KCNIP4: variants seen among roughly 807,000 people sequenced by gnomAD.
KCNIP4 encodes Kv channel-interacting protein 4.
A neutral mutation model predicts 34.0 loss-of-function variants in KCNIP4; 12 were observed. The ratio of observed to expected loss-of-function variants is 0.35; its 90% CI spans 0.23 to 0.57. The LOEUF is 0.57. Among genes scored for constraint, KCNIP4 ranks in the 20% least tolerant of loss-of-function variants. The probability of loss-of-function intolerance (pLI) is 0.83; values close to 1 mark genes in which losing one functional copy is unlikely to be tolerated. For synonymous variants in KCNIP4, 124 were observed against 102.2 expected (o/e 1.21, Z -1.29); for missense variants, 238 against 311.7 (o/e 0.76, Z 1.78).
chr4:21,177,355 A>G (rs560896771), intron 1 of KCNIP4, among the ~76,000 whole-genome samples: 2 of 152,186 alleles, frequency 1.3e-5, no homozygotes, highest in Non-Finnish European at 2.9e-5. Context: ...TATCTTACCA[A>G]ACCATATATT....
Position 21,781,394 on chromosome 4 carries a change from T to C in KCNIP4, c.61+167177A>G, listed in dbSNP as rs566209095. Among the ~76,000 whole-genome samples the C allele has an allele frequency of 3.3e-5, 5 of 152,270 alleles. No homozygotes were observed. The South Asian group carries it at 1.0e-3, about 32-fold the overall frequency. On this transcript the variant is annotated intron_variant, in intron 1 of 8. Coordinates refer to ENST00000382152, the MANE Select transcript of KCNIP4 (RefSeq NM_025221.6). ...ATTACCCGGTCTCAGGTAGTATCTTTAGAGCAGTATGAGATCAGACTAATA... is the reference window on the plus strand; with the variant it reads ...ATTACCCGGTCTCAGGTAGTATCTTCAGAGCAGTATGAGATCAGACTAATA...
intron 1 of KCNIP4, among the ~76,000 whole-genome samples, chr4:21,876,577 T>A (rs915833946): frequency 2.0e-5 from 3 of 152,120 alleles, no homozygotes; most frequent in Admixed American, 6.6e-5. Flanking sequence ...TGGAATTAAT[T>A]TTAGAGCCAA....
chr4:21,115,576 C>T (rs1455616127), intron 1 of KCNIP4, among the ~76,000 whole-genome samples: 2 of 152,086 alleles, frequency 1.3e-5, no homozygotes, highest in African/African-American at 2.4e-5. Context: ...AAATGTTAGA[C>T]AATTCAGCTT....
Position 21,059,776 on chromosome 4 carries a change from T to C in KCNIP4, c.62-177067A>G, listed in dbSNP as rs575404464. Among the ~76,000 whole-genome samples the C allele has an allele frequency of 2.6e-5, 4 of 152,284 alleles. No individual in the cohort carries two copies. In the South Asian group the frequency reaches 6.2e-4, roughly 24 times the overall value. ...ATGAATAATTACTAATTAATTTATA[T>C]GCATCTCTTTTCATTTCATTCATTT... On this transcript the variant is annotated intron_variant, in intron 1 of 8. Transcript: ENST00000382152.
intron 1 of KCNIP4, among the ~76,000 whole-genome samples, chr4:21,277,878 C>T (rs185326498): frequency 3.9e-5 from 6 of 152,148 alleles, no homozygotes; most frequent in Non-Finnish European, 7.4e-5. Flanking sequence ...TTTACAGCAC[C>T]TGGATAAAGA....
intron 1 of KCNIP4, among the ~76,000 whole-genome samples, chr4:21,836,400 C>G (rs575372181): frequency 6.6e-6 from 1 of 152,204 alleles, no homozygotes; most frequent in South Asian, 2.1e-4. Flanking sequence ...GAAACTATAG[C>G]CCGCTGGGAA....
At chr4:20,837,330 A>C (rs1236814210) in intron 3 of KCNIP4, among the ~76,000 whole-genome samples, 3 of 152,176 alleles carry the variant, frequency 2.0e-5, no homozygotes, top group Admixed American at 1.3e-4. Context: ...ATAGCATTGA[A>C]AAGACTTCCA....
intron 1 of KCNIP4, among the ~76,000 whole-genome samples, chr4:21,013,571 C>T (rs1332879830): frequency 2.6e-5 from 4 of 152,136 alleles, no homozygotes; most frequent in Non-Finnish European, 4.4e-5. Context: ...GAAGCTACTG[C>T]AGCCTTGACA....
At chr4:21,553,963 C>T (rs1392006119) in intron 1 of KCNIP4, among the ~76,000 whole-genome samples, 2 of 152,132 alleles carry the variant, frequency 1.3e-5, no homozygotes, top group African/African-American at 2.4e-5. Context: ...ACATATCTTT[C>T]AGTGGGGAAG....
intron 1 of KCNIP4, among the ~76,000 whole-genome samples, chr4:21,324,352 A>T (rs1714809751): frequency 6.6e-6 from 1 of 151,836 alleles, no homozygotes; most frequent in South Asian, 2.1e-4. Context: ...TTTTCTCAAC[A>T]TTTTCTGTTA....
intron 1 of KCNIP4, among the ~76,000 whole-genome samples, chr4:21,268,133 T>C (rs1409242782): frequency 6.6e-6 from 1 of 152,204 alleles, no homozygotes; most frequent in Non-Finnish European, 1.5e-5. Flanking sequence ...TTTACAACAT[T>C]ATAAAAGGTC....
At chr4:21,398,490 T>A (rs1723199567) in intron 1 of KCNIP4, among the ~76,000 whole-genome samples, 1 of 152,278 alleles carries the variant, frequency 6.6e-6, no homozygotes, top group South Asian at 2.1e-4. Context: ...TTCGTTTTGC[T>A]CTCCCATAAA....
chr4:21,869,709 G>A (rs564788989), intron 1 of KCNIP4, among the ~76,000 whole-genome samples: 74 of 150,528 alleles, frequency 4.9e-4, no homozygotes, highest in Non-Finnish European at 9.3e-4. Flanking sequence ...CCCCCCCACC[G>A]CCACATAGAG....
chr4:21,423,871 A>C (rs972806920), intron 1 of KCNIP4, among the ~76,000 whole-genome samples: 1 of 150,340 alleles, frequency 6.7e-6, no homozygotes, highest in African/African-American at 2.5e-5. Context: ...GCAGTGGTGC[A>C]ATCTTGGCTC....
chr4:20,882,918 G>A (rs1410954192), intron 1 of KCNIP4, among the ~76,000 whole-genome samples: 1 of 150,986 alleles, frequency 6.6e-6, no homozygotes, highest in African/African-American at 2.4e-5. Context: ...ATGTTGTTTT[G>A]AAGATAATGA....
intron 1 of KCNIP4, among the ~76,000 whole-genome samples, chr4:21,810,013 C>T (rs996860499): frequency 1.3e-5 from 2 of 151,948 alleles, no homozygotes; most frequent in African/African-American, 4.8e-5. Context: ...ATGGCAGCAA[C>T]CGTTTTACAA....
chr4:21,270,294 G>A (rs1463872179), intron 1 of KCNIP4, among the ~76,000 whole-genome samples: 1 of 152,100 alleles, frequency 6.6e-6, no homozygotes, highest in Non-Finnish European at 1.5e-5. Context: ...GAAGGTATGA[G>A]GTACCAGCCA....
chr4:21,531,404 C>G (rs1018933102), intron 1 of KCNIP4, among the ~76,000 whole-genome samples: 1 of 132,068 alleles, frequency 7.6e-6, no homozygotes, highest in Non-Finnish European at 1.6e-5. Context: ...TCTTGACAGT[C>G]TCTCTCTGTT....
At chr4:20,830,265 C>T (rs1200549037) in intron 3 of KCNIP4, among the ~76,000 whole-genome samples, 1 of 152,142 alleles carries the variant, frequency 6.6e-6, no homozygotes, top group Non-Finnish European at 1.5e-5. Flanking sequence ...TTATAAATCC[C>T]TTTACAGGTA....
Sources: allele counts gnomAD v4.1 joint callset (sites outside exome capture counted in the v4.1 genomes callset), GRCh38; gene constraint gnomAD v4.1.1; transcripts MANE v1.5; gene names NCBI Gene and HGNC (gene_info 2026-07-23, HGNC 2026-07-21).